The following DSCAM variants were observed in gnomAD, a reference collection of about 807,000 sequenced individuals.
DSCAM encodes the protein cell adhesion molecule DSCAM.
DSCAM carries 47 observed loss-of-function variants against 217.7 expected under a neutral mutation model. That is an observed-to-expected ratio of 0.22 (90% CI 0.17 to 0.28). The LOEUF (loss-of-function observed/expected upper bound fraction) is 0.28, where lower values mean the gene tolerates loss of function less well. DSCAM is among the 10% of genes least tolerant of loss of function. The pLI, the probability that DSCAM is intolerant of heterozygous loss-of-function variation, is 1.00. For missense variants in DSCAM, 2,080 were observed against 2,618.3 expected (o/e 0.79, Z 4.49); for synonymous variants, 1,056 against 1,015.3 (o/e 1.04, Z -0.76).
At chr21:40,588,126 C>T (rs1447204584) in intron 3 of DSCAM, among the ~76,000 whole-genome samples, 1 of 152,128 alleles carries the variant, frequency 6.6e-6, no homozygotes, top group Non-Finnish European at 1.5e-5. Flanking sequence ...ATCCACATGA[C>T]TCAGGATTAC....
intron 1 of DSCAM, among the ~76,000 whole-genome samples, chr21:40,803,426 T>C (rs192874492): frequency 9.2e-5 from 14 of 152,072 alleles, no homozygotes; most frequent in African/African-American, 3.4e-4. Context: ...CCTATAGGAG[T>C]GACTCAAATT....
intron 2 of DSCAM, among the ~76,000 whole-genome samples, chr21:40,695,340 C>A (rs1211999237): frequency 6.6e-6 from 1 of 152,034 alleles, no homozygotes; most frequent in Admixed American, 6.6e-5. Flanking sequence ...GTGTTACCAC[C>A]CAATGTCCAG....
chr21:40,665,497 A>G (rs2090189322), intron 3 of DSCAM, among the ~76,000 whole-genome samples: 2 of 152,074 alleles, frequency 1.3e-5, no homozygotes, highest in South Asian at 2.1e-4. Flanking sequence ...TTTTTCTTTA[A>G]CCAATCTAAA....
At chr21:40,296,363 C>T (rs769232185) in intron 9 of DSCAM, among the ~76,000 whole-genome samples, 189 bp from the exon 10 acceptor site, 1 of 152,172 alleles carries the variant, frequency 6.6e-6, no homozygotes, top group Admixed American at 6.5e-5. Flanking sequence ...GAAAAATTTT[C>T]TGATTCATAT....
At chr21:40,780,423 G>GTGTGTGTATATATATATATATATA (rs1007015659) in intron 1 of DSCAM, among the ~76,000 whole-genome samples, 42 of 56,412 alleles carry the variant, frequency 7.4e-4, no homozygotes, top group African/African-American at 1.1e-3. Flanking sequence ...GTGTGTGTGT[G>GTGTGTGTATATATATATATATATA]TATATATATA....
At chr21:40,557,943 A>T (rs115086049) in intron 3 of DSCAM, among the ~76,000 whole-genome samples, 2,027 of 152,302 alleles carry the variant, frequency 0.013, 30 homozygotes, top group East Asian at 0.055. Flanking sequence ...CGTTAGCAAT[A>T]CCTGTTTACT....
At chr21:40,319,407 C>T (rs1406315783) in intron 8 of DSCAM, among the ~76,000 whole-genome samples, 3 of 151,926 alleles carry the variant, frequency 2.0e-5, no homozygotes, top group African/African-American at 7.3e-5. Context: ...AGAAAACAAA[C>T]AAGAAAGGCT....
At chr21:40,741,180 C>T (rs1471244408) in intron 1 of DSCAM, among the ~76,000 whole-genome samples, 7 of 152,162 alleles carry the variant, frequency 4.6e-5, no homozygotes, top group Admixed American at 4.6e-4. Context: ...CTCTGACATG[C>T]TGAAAAGATC....
At chr21:40,653,751 G>A (rs536399827) in intron 3 of DSCAM, among the ~76,000 whole-genome samples, 1 of 152,216 alleles carries the variant, frequency 6.6e-6, no homozygotes, top group Admixed American at 6.5e-5. Context: ...AAATTAAGTT[G>A]AACTATACAA....
At chr21:40,067,692 G>A (rs2089227543) in intron 27 of DSCAM, among the ~76,000 whole-genome samples, 1 of 144,852 alleles carries the variant, frequency 6.9e-6, no homozygotes. Context: ...AGCATCCTGA[G>A]TTTCTCCCTT....
intron 3 of DSCAM, among the ~76,000 whole-genome samples, chr21:40,378,554 A>ATTTTTT (rs71186931): frequency 2.6e-5 from 2 of 75,712 alleles, no homozygotes; most frequent in African/African-American, 5.1e-5. Flanking sequence ...ATGAAAACTT[A>ATTTTTT]TTTTTTTTTT....
intron 3 of DSCAM, among the ~76,000 whole-genome samples, chr21:40,396,371 T>C (rs2075178443): frequency 6.6e-6 from 1 of 152,152 alleles, no homozygotes; most frequent in African/African-American, 2.4e-5. Context: ...CAAATTCAGT[T>C]AGATTGGATT....
intron 1 of DSCAM, among the ~76,000 whole-genome samples, chr21:40,725,945 T>C (rs150939985): frequency 6.6e-6 from 1 of 152,166 alleles, no homozygotes; most frequent in African/African-American, 2.4e-5. Context: ...AATTAAAAAA[T>C]GAATTAAAAG....
At chr21:40,081,228 C>T (rs888632104) in intron 24 of DSCAM, among the ~76,000 whole-genome samples, 1 of 152,168 alleles carries the variant, frequency 6.6e-6, no homozygotes, top group African/African-American at 2.4e-5. Context: ...CCTTCTCCAC[C>T]CTGGCTAGCT....
intron 3 of DSCAM, chr21:40,384,465 G>A (rs975461189): frequency 6.6e-6 from 1 of 152,472 alleles, no homozygotes; most frequent in Non-Finnish European, 1.5e-5. Context: ...AAGTTAGCCA[G>A]GCATGGTGGC....
intron 3 of DSCAM, among the ~76,000 whole-genome samples, chr21:40,560,965 T>C (rs1190111269): frequency 1.3e-5 from 2 of 152,244 alleles, no homozygotes; most frequent in African/African-American, 2.4e-5. Context: ...CATATGCTTA[T>C]GTAAAAATCC....
chr21:40,425,698 T>G (rs75482852), intron 3 of DSCAM, among the ~76,000 whole-genome samples: 2,048 of 151,020 alleles, frequency 0.014, 25 homozygotes, highest in Non-Finnish European at 0.023. Flanking sequence ...AAACTCTTCC[T>G]TGTTCATTTC....
chr21:40,833,736 C>A (rs777244547), intron 1 of DSCAM, among the ~76,000 whole-genome samples: 2 of 152,130 alleles, frequency 1.3e-5, no homozygotes, highest in African/African-American at 4.8e-5. Context: ...TGACATTTTC[C>A]TTCCTCCTCT....
intron 1 of DSCAM, among the ~76,000 whole-genome samples, chr21:40,790,931 C>T (rs2091637126): frequency 6.6e-6 from 1 of 151,968 alleles, no homozygotes; most frequent in Admixed American, 6.6e-5. Context: ...AATCCCAGCA[C>T]TTTGGGAAGC....
Sources: allele counts gnomAD v4.1 joint callset (sites outside exome capture counted in the v4.1 genomes callset), GRCh38; gene constraint gnomAD v4.1.1; transcripts MANE v1.5; gene names NCBI Gene and HGNC (gene_info 2026-07-23, HGNC 2026-07-21).